Variants in PTPDC1 observed in about 807,000 individuals in gnomAD.
The protein encoded by PTPDC1 is protein tyrosine phosphatase domain containing 1, also known as protein tyrosine phosphatase domain-containing protein 1.
A neutral mutation model predicts 75.3 loss-of-function variants in PTPDC1; 53 were observed. The ratio of observed to expected loss-of-function variants is 0.70; its 90% CI spans 0.56 to 0.88. The LOEUF (loss-of-function observed/expected upper bound fraction) is 0.88, where lower values mean the gene tolerates loss of function less well. Among genes scored for constraint, PTPDC1 ranks in the 40% least tolerant of loss-of-function variants. PTPDC1 has a pLI of 0.00. For synonymous variants in PTPDC1, 349 were observed against 366.2 expected, an observed-to-expected ratio of 0.95 and a Z score of 0.54; for missense variants, 925 against 998.6, an observed-to-expected ratio of 0.93 and a Z score of 0.99.
intron 1 of PTPDC1, among the ~76,000 whole-genome samples, chr9:94,055,900 AAC>A (rs1268147551): frequency 1.3e-5 from 2 of 152,204 alleles, no homozygotes; most frequent in Admixed American, 6.5e-5. Context: ...CAGAATGCAC[AAC>A]ACAGAGTGCA....
At chr9:94,068,848 C>A (rs1019128869) in intron 2 of PTPDC1, among the ~76,000 whole-genome samples, 1 of 152,064 alleles carries the variant, frequency 6.6e-6, no homozygotes, top group Non-Finnish European at 1.5e-5. Context: ...ATTATTTGTT[C>A]GATTATTTAT....
At chr9:94,055,213 A>C (rs1825896540) in intron 1 of PTPDC1, among the ~76,000 whole-genome samples, 1 of 152,244 alleles carries the variant, frequency 6.6e-6, no homozygotes, top group South Asian at 2.1e-4. Context: ...TTCCAGTTCT[A>C]GTGCTTAATA....
At chr9:94,100,135 C>T (rs1707812484) in intron 6 of PTPDC1, 1 of 152,126 alleles carries the variant, frequency 6.6e-6, no homozygotes, top group Admixed American at 6.6e-5. Context: ...CTTTGTTAAT[C>T]TTGTGAATTC....
In PTPDC1 at chr9:94,077,713, G is replaced by A. The variant is rs183307525; in HGVS notation, c.83-7538G>A. ...TTATTAAGGCTTCATCACATGGCAT[G>A]ATTGACTAAACCACTGGCCATTGTT... On this transcript the variant is annotated intron_variant, in intron 2 of 9. Coordinates refer to the PTPDC1 transcript ENST00000375360. 2.0e-5 allele frequency among the ~76,000 whole-genome samples: 3 copies of A among 152,292 alleles called. No homozygotes were observed. The East Asian group carries it at 5.8e-4, about 29-fold the overall frequency.
intron 4 of PTPDC1, among the ~76,000 whole-genome samples, chr9:94,089,374 C>T (rs1266359389): frequency 1.3e-5 from 2 of 148,268 alleles, no homozygotes; most frequent in Non-Finnish European, 3.0e-5. Context: ...TGATGATTTC[C>T]AATTTCATCC....
upstream of PTPDC1, among the ~76,000 whole-genome samples, chr9:94,079,860 T>C (rs895922929): frequency 6.6e-6 from 1 of 152,190 alleles, no homozygotes; most frequent in Admixed American, 6.5e-5. Flanking sequence ...TCTTCTTGGC[T>C]TGCCTAAGTG....
At chr9:94,085,041 T>A (rs1274656109) in intron 1 of PTPDC1, among the ~76,000 whole-genome samples, 1 of 152,214 alleles carries the variant, frequency 6.6e-6, no homozygotes, top group Non-Finnish European at 1.5e-5. Context: ...ATTGCCAGTA[T>A]GTGTGGAGAT....
intron 2 of PTPDC1, among the ~76,000 whole-genome samples, chr9:94,077,080 T>C (rs1211943716): frequency 6.6e-6 from 1 of 152,238 alleles, no homozygotes; most frequent in East Asian, 1.9e-4. Flanking sequence ...CATTGGTTTT[T>C]AGTATATACT....
At chr9:94,053,586 T>C (rs1186290918) in intron 1 of PTPDC1, among the ~76,000 whole-genome samples, 1 of 152,080 alleles carries the variant, frequency 6.6e-6, no homozygotes, top group Non-Finnish European at 1.5e-5. Flanking sequence ...CAACCCTACA[T>C]GATGAGGGAT....
intron 1 of PTPDC1, among the ~76,000 whole-genome samples, chr9:94,063,494 GGT>G (rs1305198905): frequency 6.6e-6 from 1 of 152,022 alleles, no homozygotes; most frequent in Non-Finnish European, 1.5e-5. Flanking sequence ...TATGATACCT[GGT>G]GTGTGACATT....
chr9:94,100,760 T>A (rs994072442), intron 6 of PTPDC1: 1 of 85,740 alleles, frequency 1.2e-5, no homozygotes, highest in Non-Finnish European at 2.0e-5. Flanking sequence ...GTAGCAATTA[T>A]TACACTTAAC....
At chr9:94,058,734 C>T (rs1385488090) in intron 1 of PTPDC1, among the ~76,000 whole-genome samples, 1 of 149,908 alleles carries the variant, frequency 6.7e-6, no homozygotes, top group Non-Finnish European at 1.5e-5. Context: ...CTATTAAAAA[C>T]CCCGGACATT....
chr9:94,044,493 T>C (rs182430571), intron 1 of PTPDC1, among the ~76,000 whole-genome samples: 10 of 152,198 alleles, frequency 6.6e-5, no homozygotes, highest in Non-Finnish European at 1.3e-4. Flanking sequence ...GTTGTTCCCC[T>C]CTGTGTGTCC....
In PTPDC1 at chr9:94,101,613, G is replaced by A; in HGVS notation, c.2061G>A (p.Glu687=). 1 of 1,613,700 alleles carries A rather than the reference G, an allele frequency of 6.2e-7. No homozygotes were observed. The highest frequency in any genetic ancestry group is 8.5e-7 in the Non-Finnish European group (1 of 1,179,744). Reference sequence around the variant, plus strand: ...GAGCTTGGGAAAGAATATGTGGCGAGAGGGACCCTTTCATCCTATGCAGCT... The same window carrying A: ...GAGCTTGGGAAAGAATATGTGGCGAAAGGGACCCTTTCATCCTATGCAGCT... ...RDGAWERICG[E]RDPFILCSLM... The change falls in exon 7 of 9, where the codon GAG becomes GAA. Residue 687 remains glutamate, a synonymous_variant. Coordinates refer to ENST00000620992, the MANE Select transcript of PTPDC1 (RefSeq NM_001253829.2).
intron 2 of PTPDC1, among the ~76,000 whole-genome samples, chr9:94,069,265 G>A (rs1324838396): frequency 1.3e-5 from 2 of 151,986 alleles, no homozygotes; most frequent in Non-Finnish European, 2.9e-5. Flanking sequence ...TGTACACAGG[G>A]GATTGGTTCC....
intron 6 of PTPDC1, chr9:94,100,088 A>G (rs1040332271): frequency 2.0e-5 from 3 of 152,222 alleles, no homozygotes; most frequent in African/African-American, 7.2e-5. Context: ...GTTATCATAG[A>G]ACATATCTGT....
intron 8 of PTPDC1, among the ~76,000 whole-genome samples, chr9:94,106,845 C>G (rs952286022): frequency 6.6e-6 from 1 of 152,152 alleles, no homozygotes; most frequent in East Asian, 1.9e-4. Flanking sequence ...CACTGCTAAC[C>G]CAGAGTATGG....
At chr9:94,043,687 C>T (rs1168523194) in intron 1 of PTPDC1, among the ~76,000 whole-genome samples, 1 of 152,174 alleles carries the variant, frequency 6.6e-6, no homozygotes, top group Non-Finnish European at 1.5e-5. Flanking sequence ...CACCACTGCA[C>T]ACCAGCCTGG....
chr9:94,063,949 G>GA (rs1344742795), intron 1 of PTPDC1, among the ~76,000 whole-genome samples: 1 of 152,082 alleles, frequency 6.6e-6, no homozygotes, highest in East Asian at 1.9e-4. Context: ...TCATTATTTA[G>GA]AAAAAACGTT....
Sources: allele counts gnomAD v4.1 joint callset (sites outside exome capture counted in the v4.1 genomes callset), GRCh38; gene constraint gnomAD v4.1.1; transcripts MANE v1.5; gene names NCBI Gene and HGNC (gene_info 2026-07-23, HGNC 2026-07-21).